The following PDE1A variants were observed in gnomAD, a reference collection of about 807,000 sequenced individuals.
PDE1A encodes the protein dual specificity calcium/calmodulin-dependent 3',5'-cyclic nucleotide phosphodiesterase 1A.
In PDE1A, 35 loss-of-function variants were observed where a neutral mutation model predicts 61.7. That is an observed-to-expected ratio of 0.57 (90% CI 0.43 to 0.75). PDE1A has a LOEUF of 0.75. PDE1A is among the 30% of genes least tolerant of loss of function. The probability of loss-of-function intolerance (pLI) is 0.00; values close to 1 mark genes in which losing one functional copy is unlikely to be tolerated. For synonymous variants in PDE1A, 232 were observed against 213.2 expected (o/e 1.09, Z -0.77); for missense variants, 597 against 630.6 (o/e 0.95, Z 0.57).
intron 1 of PDE1A, among the ~76,000 whole-genome samples, chr2:182,386,593 G>A (rs1701105094): frequency 6.6e-6 from 1 of 150,428 alleles, no homozygotes; most frequent in South Asian, 2.1e-4. Flanking sequence ...GAGAAGTGAG[G>A]AGCCCCTCCG....
At chr2:182,347,065 G>A (rs1413773959) in intron 1 of PDE1A, among the ~76,000 whole-genome samples, 11 of 152,080 alleles carry the variant, frequency 7.2e-5, no homozygotes, top group African/African-American at 1.2e-4. Context: ...AGACAGACCC[G>A]ATGGTCAAAT....
rs1685188156 is a variant in PDE1A, at chr2:182,186,167, G to C, written c.1329-88C>G. The stretch of plus-strand genomic sequence containing the variant: ...CTGAAAAACTTTACAAAACCGACTA[G>C]AAAAGCAGGATAGTAGATGCTCAGT... On this transcript the variant is annotated intron_variant, in intron 12 of 13. Transcript: ENST00000351439. 24 of 1,386,480 alleles carry C rather than the reference G, an allele frequency of 1.7e-5. No homozygotes were observed. In the Admixed American group the frequency reaches 4.4e-4, roughly 26 times the overall value. 85.9% of individuals were successfully genotyped at this position (1,386,480 alleles called of 1,614,324 possible).
chr2:182,269,851 T>C (rs1006758678), intron 1 of PDE1A, among the ~76,000 whole-genome samples: 2 of 152,162 alleles, frequency 1.3e-5, no homozygotes, highest in Non-Finnish European at 2.9e-5. Flanking sequence ...TCTGCACTTA[T>C]CAAATTGCAA....
the PDE1A span, among the ~76,000 whole-genome samples, chr2:182,597,143 C>A: frequency 6.7e-6 from 1 of 150,006 alleles, no homozygotes; most frequent in African/African-American, 2.5e-5. Flanking sequence ...CAGAGTGAGA[C>A]CCCATCTCAA....
At chr2:182,361,931 G>C (rs1200622045) in intron 1 of PDE1A, among the ~76,000 whole-genome samples, 1 of 152,000 alleles carries the variant, frequency 6.6e-6, no homozygotes, top group Non-Finnish European at 1.5e-5. Flanking sequence ...CAGTGGCCAA[G>C]CCATCTACCA....
At chr2:182,572,620 C>T in the PDE1A span, among the ~76,000 whole-genome samples, 5 of 152,120 alleles carry the variant, frequency 3.3e-5, no homozygotes, top group Admixed American at 1.3e-4. Context: ...CGGTGGCTCA[C>T]GCGAGTAATT....
intron 1 of PDE1A, among the ~76,000 whole-genome samples, chr2:182,311,984 G>T (rs1412551186): frequency 6.6e-6 from 1 of 152,124 alleles, no homozygotes; most frequent in East Asian, 1.9e-4. Context: ...TAGATGTGTA[G>T]TGGTATCTCA....
At chr2:182,430,643 A>C (rs1481713825), upstream of PDE1A, among the ~76,000 whole-genome samples, 2 of 111,482 alleles carry the variant, frequency 1.8e-5, no homozygotes, top group African/African-American at 3.1e-5. Flanking sequence ...TGCTGCTATA[A>C]AGACACATGC....
At chr2:182,343,833 A>G (rs1698348033) in intron 1 of PDE1A, among the ~76,000 whole-genome samples, 1 of 151,456 alleles carries the variant, frequency 6.6e-6, no homozygotes, top group South Asian at 2.1e-4. Context: ...CCACATTACT[A>G]TGTCCAAATA....
At chr2:182,676,425 G>C in the PDE1A span, among the ~76,000 whole-genome samples, 1 of 149,390 alleles carries the variant, frequency 6.7e-6, no homozygotes, top group Non-Finnish European at 1.5e-5. Flanking sequence ...GTAATAAATA[G>C]CCTACCAACC....
At chr2:182,212,251 A>G in intron 7 of PDE1A, among the ~76,000 whole-genome samples, 1 of 151,492 alleles carries the variant, frequency 6.6e-6, no homozygotes, top group Non-Finnish European at 1.5e-5. Flanking sequence ...TTCTATATAT[A>G]TATATGTATA....
intron 8 of PDE1A, among the ~76,000 whole-genome samples, chr2:182,203,918 T>G (rs1005553782): frequency 2.0e-5 from 3 of 152,044 alleles, no homozygotes; most frequent in Non-Finnish European, 2.9e-5. Flanking sequence ...AATTCTAAAA[T>G]GTATATAATA....
downstream of PDE1A, among the ~76,000 whole-genome samples, chr2:182,163,634 G>C (rs900451308): frequency 1.3e-5 from 2 of 152,136 alleles, no homozygotes; most frequent in Non-Finnish European, 2.9e-5. Context: ...CTAAAGTAAA[G>C]AGTTGTTGCA....
At chr2:182,389,245 T>A (rs1701284770) in intron 1 of PDE1A, among the ~76,000 whole-genome samples, 1 of 152,114 alleles carries the variant, frequency 6.6e-6, no homozygotes, top group Admixed American at 6.5e-5. Flanking sequence ...CAGATATTTT[T>A]AAGATTAGGA....
intron 1 of PDE1A, among the ~76,000 whole-genome samples, chr2:182,272,099 A>T (rs1693066900): frequency 6.6e-6 from 1 of 152,134 alleles, no homozygotes; most frequent in Admixed American, 6.6e-5. Context: ...ATAAAGAAAA[A>T]CATTAGAGAG....
the PDE1A span, among the ~76,000 whole-genome samples, chr2:182,567,709 C>CT: frequency 1.3e-5 from 2 of 151,698 alleles, no homozygotes; most frequent in African/African-American, 4.8e-5. Flanking sequence ...GAAATAAAAT[C>CT]TAATTTCCCT....
intron 1 of PDE1A, among the ~76,000 whole-genome samples, chr2:182,290,937 C>T (rs1392151852): frequency 1.3e-5 from 2 of 152,064 alleles, no homozygotes; most frequent in Non-Finnish European, 2.9e-5. Flanking sequence ...ATGGCACCAA[C>T]ATTCGCCCAG....
At chr2:182,691,782 G>C in the PDE1A span, among the ~76,000 whole-genome samples, 2,393 of 151,984 alleles carry the variant, frequency 0.016, 35 homozygotes, top group East Asian at 0.081. Flanking sequence ...AACTACTCAT[G>C]TGACAAAGGG....
At chr2:182,444,914 C>T (rs1464748327) in intron 2 of PDE1A, among the ~76,000 whole-genome samples, 1 of 152,198 alleles carries the variant, frequency 6.6e-6, no homozygotes, top group South Asian at 2.1e-4. Flanking sequence ...AGCTAATCCT[C>T]TGTGGTTTTA....
Sources: gnomAD v4.1 joint callset for allele counts (sites outside exome capture counted in the v4.1 genomes callset) on GRCh38, gnomAD v4.1.1 for gene constraint, MANE v1.5 for transcripts, NCBI Gene and HGNC (gene_info 2026-07-23, HGNC 2026-07-21) for gene names.